SOX13: variants seen among roughly 807,000 people sequenced by gnomAD.
The protein encoded by SOX13 is transcription factor SOX-13.
In SOX13, 28 loss-of-function variants were observed where a neutral mutation model predicts 71.8. The observed-to-expected ratio is 0.39, with a 90% confidence interval of 0.29 to 0.53. The LOEUF (loss-of-function observed/expected upper bound fraction) is 0.53, where lower values mean the gene tolerates loss of function less well. Among genes scored for constraint, SOX13 ranks in the 20% least tolerant of loss-of-function variants. The pLI is 0.70. For synonymous variants in SOX13, 309 were observed against 317.8 expected (o/e 0.97, Z 0.29); for missense variants, 627 against 810.3 (o/e 0.77, Z 2.75).
chr1:204,112,990 G>A lies in SOX13; in HGVS notation c.75G>A (p.Lys25=), dbSNP rs750285518. 38 of 1,613,510 alleles carry A rather than the reference G, an allele frequency of 2.4e-5. No individual in the cohort carries two copies. Among genetic ancestry groups the A allele is most frequent in the Non-Finnish European group, 2.6e-5 (31 of 1,179,882 alleles). Residue 25 remains lysine (K), a synonymous_variant, in exon 2 of 14, where the codon AAG becomes AAA. Transcript: ENST00000367204. ...GCACCATGGTGAACTGCACCATCAA[G>A]TCAGAGGAGAAGAAAGAGCCTTGCC... ...GVGTMVNCTI[K]SEEKKEPCHE... is the part of the protein sequence containing the mutation.
chr1:204,075,481 C>G (rs79687356), intron 1 of SOX13, among the ~76,000 whole-genome samples: 3,616 of 152,338 alleles, frequency 0.024, 67 homozygotes, highest in African/African-American at 0.05. Flanking sequence ...AGTTCCCCAT[C>G]GATGAGCAGC....
intron 1 of SOX13, among the ~76,000 whole-genome samples, chr1:204,103,425 C>T (rs1343621829): frequency 6.6e-6 from 1 of 152,226 alleles, no homozygotes; most frequent in Non-Finnish European, 1.5e-5. Flanking sequence ...TCAAATGCTA[C>T]TTCTGCTGGG....
Position 204,121,965 on chromosome 1 carries a change from G to A in SOX13, c.841G>A (p.Ala281Thr). The A allele has an allele frequency of 1.2e-6, 2 of 1,608,710 alleles. No individual in the cohort carries two copies. The highest frequency in any genetic ancestry group is 1.7e-6 in the Non-Finnish European group (2 of 1,175,442). Residue 281 changes from alanine (A) to threonine (T), a missense_variant, in exon 8 of 14, where the codon GCC (alanine) becomes ACC (threonine). Transcript: ENST00000367204. ...APVVKRPGAM[A>T]THHPLQEPSQ... The stretch of plus-strand genomic sequence containing the variant: ...AGTGGTGAAGAGGCCTGGGGCCATG[G>A]CCACCCACCACCCCCTGCAGGTACC...
At chr1:204,116,314 A>G in intron 4 of SOX13, 193 bp from the exon 5 acceptor site, 1 of 1,539,146 alleles carries the variant, frequency 6.5e-7, no homozygotes, top group Non-Finnish European at 8.8e-7. Flanking sequence ...CTAGGCTAGT[A>G]GTTGCCAGGT....
chr1:204,096,411 G>GTATT (rs1356938679), intron 1 of SOX13, among the ~76,000 whole-genome samples: 13 of 149,730 alleles, frequency 8.7e-5, no homozygotes, highest in African/African-American at 1.2e-4. Context: ...GCTGATTTTT[G>GTATT]TATTTATTTA....
intron 1 of SOX13, among the ~76,000 whole-genome samples, chr1:204,096,596 T>C (rs963140262): frequency 1.3e-5 from 2 of 151,868 alleles, no homozygotes; most frequent in Non-Finnish European, 1.5e-5. Flanking sequence ...TTTGTATTTT[T>C]AGTAGAGATG....
intron 1 of SOX13, among the ~76,000 whole-genome samples, chr1:204,087,912 G>A (rs1656058330): frequency 6.6e-6 from 1 of 152,232 alleles, no homozygotes; most frequent in African/African-American, 2.4e-5. Context: ...TCTAGGTAGT[G>A]GGGCTTCCAG....
At chr1:204,110,694 T>C (rs561850062) in intron 1 of SOX13, among the ~76,000 whole-genome samples, 73 of 152,292 alleles carry the variant, frequency 4.8e-4, no homozygotes, top group African/African-American at 1.7e-3. Context: ...CTACATGTAC[T>C]CTATTATATA....
chr1:204,124,982 C>T (rs1357919661), intron 13 of SOX13, 125 bp downstream of exon 13: 14 of 699,206 alleles, frequency 2.0e-5, no homozygotes, highest in Non-Finnish European at 3.3e-5. Flanking sequence ...TGTATGCGTA[C>T]GTGTGTGTGT....
chr1:204,083,141 C>T (rs142921831), intron 1 of SOX13, among the ~76,000 whole-genome samples: 1 of 152,232 alleles, frequency 6.6e-6, no homozygotes, highest in Non-Finnish European at 1.5e-5. Flanking sequence ...GTTTGGAGAA[C>T]CAGAATTGTG....
At position 204,124,756 on chromosome 1, in the gene SOX13, C is replaced by T. The variant is rs1330898666; in HGVS notation, c.1491C>T (p.Pro497=). 5.0e-6 allele frequency: 8 copies of T among 1,609,244 alleles called. No individual in the cohort carries two copies. Among genetic ancestry groups the T allele is most frequent in the Non-Finnish European group, 5.9e-6 (7 of 1,178,088 alleles). ...CTGACTACAAGTACAAGCCGCGGCC[C>T]AAGCGCACCTGCATCGTGGAGGGCA... ...KYPDYKYKPR[P]KRTCIVEGKR... Residue 497 remains proline (P), a synonymous_variant, in exon 13 of 14, where the codon CCC becomes CCT. Coordinates refer to ENST00000367204, the MANE Select transcript of SOX13 (RefSeq NM_005686.3).
chr1:204,126,210 C>A lies in SOX13; in HGVS notation c.*76C>A. 1 of 1,472,490 alleles carries A rather than the reference C, an allele frequency of 6.8e-7. No individual in the cohort carries two copies. Among genetic ancestry groups the A allele is most frequent in the Non-Finnish European group, 9.3e-7 (1 of 1,074,494 alleles). 91.2% of individuals were successfully genotyped at this position (1,472,490 alleles called of 1,614,324 possible). A position where few individuals can be genotyped will look rare whatever the true frequency, so the allele number is the denominator to read the frequency against. ...AACTCGATGGGCACAGCCAGCCAAC[C>A]TAAGACTATGTTGGTACTTGGACTT... On this transcript the variant is annotated 3_prime_UTR_variant, in exon 14 of 14. Coordinates refer to ENST00000367204, the MANE Select transcript of SOX13 (RefSeq NM_005686.3).
intron 2 of SOX13, among the ~76,000 whole-genome samples, chr1:204,113,939 C>A (rs981802428): frequency 6.6e-6 from 1 of 152,012 alleles, no homozygotes; most frequent in Non-Finnish European, 1.5e-5. Flanking sequence ...TGACTTTTGG[C>A]CCCTGATTGT....
intron 1 of SOX13, among the ~76,000 whole-genome samples, chr1:204,100,524 C>T (rs1005261952): frequency 6.6e-6 from 1 of 152,152 alleles, no homozygotes; most frequent in Non-Finnish European, 1.5e-5. Flanking sequence ...TGCTTCTCCC[C>T]TTCCTTCCCT....
At chr1:204,089,694 G>C (rs971043389) in intron 1 of SOX13, among the ~76,000 whole-genome samples, 2 of 152,240 alleles carry the variant, frequency 1.3e-5, no homozygotes, top group African/African-American at 4.8e-5. Context: ...GGGCACCAGG[G>C]CTGTGTGGGT....
At chr1:204,094,707 A>T (rs1382506307) in intron 1 of SOX13, among the ~76,000 whole-genome samples, 1 of 151,968 alleles carries the variant, frequency 6.6e-6, no homozygotes, top group Non-Finnish European at 1.5e-5. Context: ...TCTTAATCAC[A>T]CCGTGGAGCA....
rs1340135944 is a variant in SOX13 at position 204,081,532 on chromosome 1, G to A, written c.-2+7821G>A. Among the ~76,000 whole-genome samples the A allele has an allele frequency of 6.6e-6, 1 of 152,190 alleles. No individual in the cohort carries two copies. The highest frequency in any genetic ancestry group is 1.5e-5 in the Non-Finnish European group (1 of 68,032). On this transcript the variant is annotated intron_variant, in intron 1 of 13. Transcript: ENST00000367204. The surrounding 1 kb of genome is among the most constrained non-coding windows in gnomAD (Gnocchi z 4.3). Reference sequence around the variant, plus strand: ...ACGGACCCCCTGGCGGGCTCTGGGGGTGGGGGTTGGGGGGTTGCCTGGGAC... The same window carrying A: ...ACGGACCCCCTGGCGGGCTCTGGGGATGGGGGTTGGGGGGTTGCCTGGGAC...
Position 204,125,884 on chromosome 1 carries a change from G to T in SOX13, c.1619G>T (p.Ser540Ile), listed in dbSNP as rs759943821. The change falls in exon 14 of 14, where the codon AGC becomes ATC. Residue 540 changes from serine to isoleucine, a missense_variant. Around this residue, in one of 3 missense-constraint regions of SOX13, gnomAD observed 148 missense variants for 192.7 expected, o/e 0.77. Coordinates refer to ENST00000367204, the MANE Select transcript of SOX13 (RefSeq NM_005686.3). ...IPPQAGQVQM[S>I]SSDVLYPRAA... ...CCGCAGGCTGGCCAGGTGCAGATGA[G>T]CTCCTCAGATGTCCTGTACCCTCGG... 2 of 1,612,460 alleles carry T rather than the reference G, an allele frequency of 1.2e-6. No homozygotes were observed. The highest frequency in any genetic ancestry group is 3.3e-5 in the Admixed American group (2 of 59,968).
At chr1:204,099,572 C>A (rs149189344) in intron 1 of SOX13, among the ~76,000 whole-genome samples, 1,570 of 151,768 alleles carry the variant, frequency 0.01, 30 homozygotes, top group African/African-American at 0.034. Flanking sequence ...CTCACCACAC[C>A]TGGCAAATTT....
Sources: gnomAD v4.1 joint callset for allele counts (sites outside exome capture counted in the v4.1 genomes callset) on GRCh38, gnomAD v4.1.1 for gene constraint, gnomAD v4.1.1 regional missense constraint, Gnocchi (gnomAD v3.1) non-coding constraint, MANE v1.5 for transcripts, NCBI Gene and HGNC (gene_info 2026-07-23, HGNC 2026-07-21) for gene names.